The following PLCL1 variants were observed in gnomAD, a reference collection of about 807,000 sequenced individuals.
PLCL1 encodes phospholipase C like 1 (inactive).
PLCL1 carries 41 observed loss-of-function variants against 84.4 expected under a neutral mutation model. The observed-to-expected ratio is 0.49, with a 90% CI of 0.38 to 0.63. PLCL1 has a LOEUF of 0.63. PLCL1 is among the 30% of genes least tolerant of loss of function. The probability of loss-of-function intolerance (pLI) is 0.00; values close to 1 mark genes in which losing one functional copy is unlikely to be tolerated. For synonymous variants in PLCL1, 490 were observed against 488.3 expected, an observed-to-expected ratio of 1.00 and a Z score of -0.05; for missense variants, 1,206 against 1,367.8, an observed-to-expected ratio of 0.88 and a Z score of 1.87.
At chr2:197,966,845 ATTTTTTTT>A (rs34706360) in intron 1 of PLCL1, among the ~76,000 whole-genome samples, 1 of 100,284 alleles carries the variant, frequency 1.0e-5, no homozygotes, top group Admixed American at 1.0e-4. Flanking sequence ...ATCCATACTA[ATTTTTTTT>A]TTTTTTTTTT....
At chr2:198,076,613 T>G (rs1295676266) in intron 1 of PLCL1, among the ~76,000 whole-genome samples, 1 of 152,196 alleles carries the variant, frequency 6.6e-6, no homozygotes, top group Non-Finnish European at 1.5e-5. Context: ...CTTCAGCTAC[T>G]TCTCAATAGT....
At chr2:198,011,011 T>G (rs529719230) in intron 1 of PLCL1, among the ~76,000 whole-genome samples, 5 of 152,034 alleles carry the variant, frequency 3.3e-5, no homozygotes, top group African/African-American at 7.2e-5. Flanking sequence ...GTCTTCTCTC[T>G]TTTTTCTTTG....
At position 197,974,100 on chromosome 2, in the gene PLCL1, G is replaced by A. The variant is rs115176988; in HGVS notation, c.241-109658G>A. Among the ~76,000 whole-genome samples, 1,080 of 152,276 alleles carry A rather than the reference G, an allele frequency of 7.1e-3. 14 individuals carry two copies. The highest frequency in any genetic ancestry group is 0.024 in the African/African-American group (1,012 of 41,546). On this transcript the variant is annotated intron_variant, in intron 1 of 5. Coordinates refer to ENST00000428675, the MANE Select transcript of PLCL1 (RefSeq NM_006226.4). ...AATAAGAAAAGGCATAAATCAAGGA[G>A]GATTCCTATGTGTTGGACTTGGAAA... is the stretch of plus-strand genomic sequence containing the variant.
chr2:197,960,409 G>C (rs956508071), intron 1 of PLCL1, among the ~76,000 whole-genome samples: 4 of 152,078 alleles, frequency 2.6e-5, no homozygotes, highest in Non-Finnish European at 4.4e-5. Context: ...ATTTTACATA[G>C]CCTCATTACT....
Position 198,002,646 on chromosome 2 carries a change from A to G in PLCL1, c.241-81112A>G, listed in dbSNP as rs1006771078. Among the ~76,000 whole-genome samples the G allele has an allele frequency of 2.0e-5, 3 of 152,204 alleles. No individual in the cohort carries two copies. In the East Asian group the frequency reaches 5.8e-4, roughly 29 times the overall value. On this transcript the variant is annotated intron_variant, in intron 1 of 5. Transcript: ENST00000428675. ...GGGGAAGAAGGGTGTTATTGTAAAG[A>G]TTCTTATGCATATAAACTCAGAAAA...
chr2:197,868,697 A>T (rs543079576), intron 1 of PLCL1, among the ~76,000 whole-genome samples: 1 of 149,508 alleles, frequency 6.7e-6, no homozygotes, highest in African/African-American at 2.5e-5. Flanking sequence ...AGTAGAGATA[A>T]GGTCTCGCTT....
chr2:198,058,828 C>T (rs1393836295), intron 1 of PLCL1, among the ~76,000 whole-genome samples: 2 of 151,960 alleles, frequency 1.3e-5, no homozygotes, highest in South Asian at 2.1e-4. Context: ...TCCATTTTAG[C>T]GATTCCTTCA....
At chr2:197,829,743 T>G (rs1482006952) in intron 1 of PLCL1, among the ~76,000 whole-genome samples, 1 of 152,230 alleles carries the variant, frequency 6.6e-6, no homozygotes, top group African/African-American at 2.4e-5. Flanking sequence ...AGTGGCACAT[T>G]GCTCTGGTTG....
chr2:197,966,078 C>G (rs1278487422), intron 1 of PLCL1, among the ~76,000 whole-genome samples: 1 of 151,942 alleles, frequency 6.6e-6, no homozygotes, highest in Non-Finnish European at 1.5e-5. Flanking sequence ...ATCTGGGCAT[C>G]CAGGAGATAG....
chr2:197,815,158 C>T (rs1333336438), intron 1 of PLCL1, among the ~76,000 whole-genome samples: 1 of 152,172 alleles, frequency 6.6e-6, no homozygotes, highest in Non-Finnish European at 1.5e-5. Context: ...GGCTTCAAAT[C>T]TTCAAAGGAC....
intron 1 of PLCL1, among the ~76,000 whole-genome samples, chr2:197,972,633 C>T (rs955016389): frequency 2.6e-5 from 4 of 152,094 alleles, no homozygotes; most frequent in African/African-American, 7.2e-5. Flanking sequence ...TTCAGCAAGC[C>T]GTTTACATTT....
intron 1 of PLCL1, among the ~76,000 whole-genome samples, chr2:197,808,432 T>C (rs1278523277): frequency 6.6e-6 from 1 of 152,218 alleles, no homozygotes; most frequent in Admixed American, 6.5e-5. Context: ...ATTTAAAATA[T>C]TTAACATTTT....
Position 198,149,374 on chromosome 2 carries a change from G to A in PLCL1, c.*2412G>A, listed in dbSNP as rs1049308896. The stretch of plus-strand genomic sequence containing the variant: ...TTTATTCATTTTTACATCACCAATA[G>A]GATCTGAGGTGGAGATGGCGGGTAT... On this transcript the variant is annotated 3_prime_UTR_variant, in exon 6 of 6. Transcript: ENST00000428675. 1 of 152,086 alleles carries A rather than the reference G, an allele frequency of 6.6e-6. No homozygotes were observed. Among genetic ancestry groups the A allele is most frequent in the African/African-American group, 2.4e-5 (1 of 41,410 alleles). 9.4% of individuals were successfully genotyped at this position (152,086 alleles called of 1,614,324 possible).
chr2:198,061,198 G>A (rs1024830043), intron 1 of PLCL1, among the ~76,000 whole-genome samples: 1 of 152,214 alleles, frequency 6.6e-6, no homozygotes, highest in African/African-American at 2.4e-5. Flanking sequence ...ATTACTGAAA[G>A]CCACTGATCA....
chr2:197,955,616 C>A (rs776354072), intron 1 of PLCL1, among the ~76,000 whole-genome samples: 45 of 151,638 alleles, frequency 3.0e-4, no homozygotes, highest in Non-Finnish European at 5.3e-4. Context: ...TTAACTCCCA[C>A]TTATGAGTGA....
chr2:197,988,164 G>A (rs1429186290), intron 1 of PLCL1, among the ~76,000 whole-genome samples: 1 of 152,142 alleles, frequency 6.6e-6, no homozygotes, highest in African/African-American at 2.4e-5. Flanking sequence ...AGGAATTGAC[G>A]GTGGGACCTA....
intron 1 of PLCL1, among the ~76,000 whole-genome samples, chr2:197,931,348 T>C (rs1688927359): frequency 6.6e-6 from 1 of 152,074 alleles, no homozygotes; most frequent in South Asian, 2.1e-4. Context: ...ATATTTCAGG[T>C]TTTGTTTTTT....
intron 1 of PLCL1, among the ~76,000 whole-genome samples, chr2:198,002,943 A>G (rs1690637426): frequency 6.6e-6 from 1 of 152,084 alleles, no homozygotes; most frequent in Admixed American, 6.6e-5. Flanking sequence ...ATTTGCAATC[A>G]TTTGTCAGGA....
chr2:197,931,021 A>T (rs1688920620), intron 1 of PLCL1, among the ~76,000 whole-genome samples: 1 of 152,134 alleles, frequency 6.6e-6, no homozygotes, highest in South Asian at 2.1e-4. Flanking sequence ...GGGAGGGGTC[A>T]GTTGGAGGGT....
Sources: allele counts gnomAD v4.1 joint callset (sites outside exome capture counted in the v4.1 genomes callset), GRCh38; gene constraint gnomAD v4.1.1; transcripts MANE v1.5; gene names NCBI Gene and HGNC (gene_info 2026-07-23, HGNC 2026-07-21).